Variants in WDR24 observed in about 807,000 individuals in gnomAD.
The protein encoded by WDR24 is WD repeat domain 24.
In WDR24, 32 loss-of-function variants were observed where a neutral mutation model predicts 66.7. The observed-to-expected ratio is 0.48, with a 90% CI of 0.36 to 0.64. The LOEUF (loss-of-function observed/expected upper bound fraction) is 0.64. Among genes scored for constraint, WDR24 ranks in the 30% least tolerant of loss-of-function variants. The pLI, the probability that WDR24 is intolerant of heterozygous loss-of-function variation, is 0.00. For synonymous variants in WDR24, 565 were observed against 469.1 expected (o/e 1.20, Z -2.64); for missense variants, 978 against 1,144.1 (o/e 0.85, Z 2.09).
Position 684,811 on chromosome 16 carries a change from G to A in WDR24, c.2296C>T (p.Leu766=), listed in dbSNP as rs770550178. ...WCQGCSHGGH[L]QHIMKWLEGS... is the part of the protein sequence containing the mutation. ...TCCAGCCACTTCATGATGTGCTGCA[G>A]GTGGCCGCCGTGGCTGCAGCCCTGG... The change falls in exon 9 of 9, where the codon CTG becomes TTG. Residue 766 remains leucine, a synonymous_variant. Coordinates refer to ENST00000293883, the MANE Select transcript of WDR24 (RefSeq NM_032259.4). The A allele has an allele frequency of 2.5e-6, 4 of 1,578,692 alleles. No homozygotes were observed. The highest frequency in any genetic ancestry group is 3.4e-6 in the Non-Finnish European group (4 of 1,163,910).
In WDR24 at chr16:686,202, G is replaced by A. The variant is rs758685114; in HGVS notation, c.1333-16C>T. The A allele has an allele frequency of 6.2e-7, 1 of 1,610,800 alleles. No homozygotes were observed. Among genetic ancestry groups the A allele is most frequent in the Non-Finnish European group, 8.5e-7 (1 of 1,179,232 alleles). ...TTTGCGCCACCTAGGGGCGGGCACT[G>A]GTCACTTGTGGGCGTCCTGGACACC... is the stretch of plus-strand genomic sequence containing the variant. On this transcript the variant is annotated splice_polypyrimidine_tract_variant and intron_variant, in intron 3 of 8. Coordinates refer to ENST00000293883, the MANE Select transcript of WDR24 (RefSeq NM_032259.4).
chr16:685,859 C>T lies in WDR24; in HGVS notation c.1573+10G>A, dbSNP rs2039895556. The T allele has an allele frequency of 8.1e-6, 13 of 1,613,282 alleles. No homozygotes were observed. The highest frequency in any genetic ancestry group is 1.1e-5 in the Non-Finnish European group (13 of 1,180,014). On this transcript the variant is annotated intron_variant, in intron 5 of 8. Coordinates refer to ENST00000293883, the MANE Select transcript of WDR24 (RefSeq NM_032259.4). ...CTCTCCCATCAGCACCCCTACCCAC[C>T]CCAGCCTACCCTCATTGGTGATGAG...
chr16:687,421 G>T lies in WDR24; in HGVS notation c.660-5C>A. ...CCTCCAGTGGCCAACCAGCCCCTGTGGGAAGAAGGTCCACCCAAACCCTCA... is the reference window on the plus strand; with the variant it reads ...CCTCCAGTGGCCAACCAGCCCCTGTTGGAAGAAGGTCCACCCAAACCCTCA... On this transcript the variant is annotated splice_polypyrimidine_tract_variant and splice_region_variant and intron_variant, in intron 2 of 8. Transcript: ENST00000293883. 1.3e-6 allele frequency: 2 copies of T among 1,582,194 alleles called. No individual in the cohort carries two copies. The highest frequency in any genetic ancestry group is 1.7e-6 in the Non-Finnish European group (2 of 1,164,246).
rs750415768 is a variant in WDR24, at chr16:685,427, G to A, written c.1849C>T (p.Leu617=). 16 of 1,611,462 alleles carry A rather than the reference G, an allele frequency of 9.9e-6. No individual in the cohort carries two copies. Among genetic ancestry groups the A allele is most frequent in the African/African-American group, 4.0e-5 (3 of 74,926 alleles). The change falls in exon 7 of 9, where the codon CTG becomes TTG. Residue 617 remains leucine, a synonymous_variant. Coordinates refer to ENST00000293883, the MANE Select transcript of WDR24 (RefSeq NM_032259.4). ...TCGTAGAGCGCGTGTGAGACAGACA[G>A]GAGCGAGAAGGAGGAGTCCACGGGG... ...LAPVDSSFSL[L]SVSHALYDSR... is the part of the protein sequence containing the mutation.
At position 684,799 on chromosome 16, in the gene WDR24, T is replaced by A. The variant is rs747378339; in HGVS notation, c.2308A>T (p.Met770Leu). 3 of 1,590,226 alleles carry A rather than the reference T, an allele frequency of 1.9e-6. No individual in the cohort carries two copies. The East Asian group carries it at 7.0e-5, about 37-fold the overall frequency. Residue 770 changes from methionine to leucine, a missense_variant, in exon 9 of 9, where the codon ATG becomes TTG. Physicochemically the swap from Met to Leu is conservative, Grantham distance 15 (BLOSUM62 2). This residue lies in a region of WDR24 where 676 missense variants were observed against 617.5 expected (regional missense o/e 1.09). Transcript: ENST00000293883. ...CSHGGHLQHI[M>L]KWLEGSSHCP... ...TGGGAGCTGCCTTCCAGCCACTTCA[T>A]GATGTGCTGCAGGTGGCCGCCGTGG...
At position 689,814 on chromosome 16, in the gene WDR24, C is replaced by T. The variant is rs1158156248; in HGVS notation, c.-174G>A. 7 of 1,044,942 alleles carry T rather than the reference C, an allele frequency of 6.7e-6. No homozygotes were observed. Among genetic ancestry groups the T allele is most frequent in the Non-Finnish European group, 9.9e-6 (7 of 708,174 alleles). 64.7% of individuals were successfully genotyped at this position (1,044,942 alleles called of 1,614,324 possible). On this transcript the variant is annotated 5_prime_UTR_variant, in exon 1 of 9. Coordinates refer to ENST00000293883, the MANE Select transcript of WDR24 (RefSeq NM_032259.4). ...CCAGGGCTGTCTATCAGCCAATCAG[C>T]CTGACAGGCAAGCTCAAATTCACTG...
At position 690,313 on chromosome 16, in the gene WDR24, G is replaced by T; in HGVS notation, c.-673C>A. On this transcript the variant is annotated 5_prime_UTR_variant, in exon 1 of 9. Transcript: ENST00000293883. ...CGGACGCTGCGGGACGAGAACCAGA[G>T]GGCCCGGGGCAGCCCTTCTCCCCCG... 1 of 452,124 alleles carries T rather than the reference G, an allele frequency of 2.2e-6. No individual in the cohort carries two copies. The highest frequency in any genetic ancestry group is 1.6e-5 in the South Asian group (1 of 64,308). The allele number at this position is 452,124 out of a possible 1,614,324, so 28.0% of individuals were successfully genotyped here. A position where few individuals can be genotyped will look rare whatever the true frequency, so the allele number is the denominator to read the frequency against.
chr16:686,100 C>T lies in WDR24; in HGVS notation c.1419G>A (p.Lys473=), dbSNP rs763748997. The T allele has an allele frequency of 1.1e-5, 17 of 1,612,982 alleles. No individual in the cohort carries two copies. Among genetic ancestry groups the T allele is most frequent in the South Asian group, 9.9e-5 (9 of 91,088 alleles). ...PTANLNHSVG[K]GGSCGLPLMN... ...TGAGCGGGAGGCCACAGGAGCCACC[C>T]TTGCCCACACTGTGGTTGAGGTTTG... Residue 473 remains lysine, a synonymous_variant, in exon 4 of 9, where the codon AAG becomes AAA. Coordinates refer to ENST00000293883, the MANE Select transcript of WDR24 (RefSeq NM_032259.4).
Position 687,116 on chromosome 16 carries a change from G to A in WDR24, c.960C>T (p.Asp320=), listed in dbSNP as rs1019099486. ...DPSFLLSGSK[D]SSLCQHLFRD... is the part of the protein sequence containing the mutation. ...GGAACAGGTGCTGGCACAGCGAGCT[G>A]TCCTTGGAGCCAGACAGCAGGAAGG... is the stretch of plus-strand genomic sequence containing the variant. Residue 320 remains aspartate, a synonymous_variant, in exon 3 of 9, where the codon GAC becomes GAT. Coordinates refer to ENST00000293883, the MANE Select transcript of WDR24 (RefSeq NM_032259.4). The A allele has an allele frequency of 6.2e-7, 1 of 1,611,286 alleles. No homozygotes were observed. The highest frequency in any genetic ancestry group is 1.7e-5 in the Admixed American group (1 of 59,978).
In WDR24 at chr16:686,678, G is replaced by A. The variant is rs73487498; in HGVS notation, c.1332+66C>T. ...AGCTTGAGGTGGGGTGAGCGCAGCT[G>A]ACGGAGGAACCAGCCCCTGCCCTGA... On this transcript the variant is annotated intron_variant, in intron 3 of 8. Coordinates refer to ENST00000293883, the MANE Select transcript of WDR24 (RefSeq NM_032259.4). The A allele has an allele frequency of 3.0e-3, 4,608 of 1,516,470 alleles. 107 individuals carry two copies. The African/African-American group carries it at 0.054, about 18-fold the overall frequency. 93.9% of individuals were successfully genotyped at this position (1,516,470 alleles called of 1,614,324 possible). A position where few individuals can be genotyped will look rare whatever the true frequency, so the allele number is the denominator to read the frequency against.
In WDR24 at chr16:690,239, C is replaced by T. The variant is rs2039950834; in HGVS notation, c.-599G>A. On this transcript the variant is annotated 5_prime_UTR_variant, in exon 1 of 9. Transcript: ENST00000293883. ...GGACCGGAGGCAGGAGAGAAGCCGGCGACCCCGGAGTACAGGGTTCCTGGG... is the reference window on the plus strand; with the variant it reads ...GGACCGGAGGCAGGAGAGAAGCCGGTGACCCCGGAGTACAGGGTTCCTGGG... The T allele has an allele frequency of 2.5e-6, 1 of 395,110 alleles. No homozygotes were observed. The highest frequency in any genetic ancestry group is 2.1e-5 in the African/African-American group (1 of 47,930). 24.5% of individuals were successfully genotyped at this position (395,110 alleles called of 1,614,324 possible).
Position 690,155 on chromosome 16 carries a change from G to T in WDR24, c.-515C>A, listed in dbSNP as rs553585100. 9 of 427,826 alleles carry T rather than the reference G, an allele frequency of 2.1e-5. No individual in the cohort carries two copies. The highest frequency in any genetic ancestry group is 4.2e-5 in the Non-Finnish European group (9 of 213,128). 26.5% of individuals were successfully genotyped at this position (427,826 alleles called of 1,614,324 possible). A position where few individuals can be genotyped will look rare whatever the true frequency, so the allele number is the denominator to read the frequency against. On this transcript the variant is annotated 5_prime_UTR_variant, in exon 1 of 9. Coordinates refer to ENST00000293883, the MANE Select transcript of WDR24 (RefSeq NM_032259.4). Reference sequence around the variant, plus strand: ...CCCGGGGACTCAGGCGATAGACGCGGGAAGGGCCCAGAGGGACGTCAAGGA... The same window carrying T: ...CCCGGGGACTCAGGCGATAGACGCGTGAAGGGCCCAGAGGGACGTCAAGGA...
Position 685,730 on chromosome 16 carries a change from C to G in WDR24, c.1627G>C (p.Val543Leu), listed in dbSNP as rs142582137. Residue 543 changes from valine (V) to leucine (L), a missense_variant, in exon 6 of 9, where the codon GTG becomes CTG. Transcript: ENST00000293883. ...TACAGCTCGTCCTCCTCACCTTCCA[C>G]GTCACCCAGCAGGTAGTCGGCAGGT... is the stretch of plus-strand genomic sequence containing the variant. ...DVPADYLLGD[V>L]EGEEDELYLL... 4.3e-6 allele frequency: 7 copies of G among 1,613,130 alleles called. No individual in the cohort carries two copies. Among genetic ancestry groups the G allele is most frequent in the Middle Eastern group, 1.6e-4 (1 of 6,084 alleles).
Position 685,659 on chromosome 16 carries a change from C to T in WDR24, c.1678+20G>A. ...CCTCCATCCGCCTCTGAACCCCACC[C>T]TGCCCGGACCCCCACTCACGGTGCG... On this transcript the variant is annotated intron_variant, in intron 6 of 8. Coordinates refer to ENST00000293883, the MANE Select transcript of WDR24 (RefSeq NM_032259.4). 1 of 1,612,612 alleles carries T rather than the reference C, an allele frequency of 6.2e-7. No individual in the cohort carries two copies. Among genetic ancestry groups the T allele is most frequent in the Non-Finnish European group, 8.5e-7 (1 of 1,179,984 alleles).
rs1222876791 is a variant in WDR24 at position 684,893 on chromosome 16, G to T, written c.2214C>A (p.Arg738=). Residue 738 remains arginine, a synonymous_variant, in exon 9 of 9, where the codon CGC becomes CGA. Coordinates refer to ENST00000293883, the MANE Select transcript of WDR24 (RefSeq NM_032259.4). ...SRGWVCDRCH[R]CASMCAVCHH... ...GGCAGACGGCACACATGCTGGCGCA[G>T]CGGTGGCACCTGGGGGCGGGCGGGA... The T allele has an allele frequency of 6.5e-7, 1 of 1,542,172 alleles. No homozygotes were observed. Among genetic ancestry groups the T allele is most frequent in the Non-Finnish European group, 8.7e-7 (1 of 1,144,822 alleles).
At position 689,770 on chromosome 16, in the gene WDR24, T is replaced by C; in HGVS notation, c.-130A>G. Reference sequence around the variant, plus strand: ...CCAGAACTGCTTGGTCCCGGGCTGGTCAGTCTTAGTGAGCCAATCCAGGGC... The same window carrying C: ...CCAGAACTGCTTGGTCCCGGGCTGGCCAGTCTTAGTGAGCCAATCCAGGGC... On this transcript the variant is annotated 5_prime_UTR_variant, in exon 1 of 9. Coordinates refer to ENST00000293883, the MANE Select transcript of WDR24 (RefSeq NM_032259.4). The C allele has an allele frequency of 1.4e-6, 2 of 1,417,242 alleles. No individual in the cohort carries two copies. Among genetic ancestry groups the C allele is most frequent in the South Asian group, 2.7e-5 (2 of 74,036 alleles). The allele number at this position is 1,417,242 out of a possible 1,614,324, so 87.8% of individuals were successfully genotyped here.
chr16:685,390 G>A lies in WDR24; in HGVS notation c.1886C>T (p.Pro629Leu), dbSNP rs777129600. The change falls in exon 7 of 9, where the codon CCG becomes CTG. Residue 629 changes from proline (P) to leucine (L), a missense_variant. By Grantham distance (98) the Pro-to-Leu change is moderately conservative. This residue lies in a region of WDR24 where 676 missense variants were observed against 617.5 expected (regional missense o/e 1.09). Transcript: ENST00000293883. ...VSHALYDSRL[P>L]PDFFGVLVRD... ...CACCAGCACGCCGAAGAAGTCGGGC[G>A]GCAGGCGGCTGTCGTAGAGCGCGTG... is the stretch of plus-strand genomic sequence containing the variant. 3.1e-5 allele frequency: 50 copies of A among 1,612,402 alleles called. 1 individual carries two copies. The South Asian group carries it at 4.1e-4, about 13-fold the overall frequency.
chr16:684,857 G>A lies in WDR24; in HGVS notation c.2250C>T (p.Val750=). 1 of 1,525,878 alleles carries A rather than the reference G, an allele frequency of 6.6e-7. No individual in the cohort carries two copies. Among genetic ancestry groups the A allele is most frequent in the Non-Finnish European group, 8.8e-7 (1 of 1,133,718 alleles). 94.5% of individuals were successfully genotyped at this position (1,525,878 alleles called of 1,614,324 possible). A position where few individuals can be genotyped will look rare whatever the true frequency, so the allele number is the denominator to read the frequency against. The change falls in exon 9 of 9, where the codon GTC becomes GTT. Residue 750 remains valine, a synonymous_variant. Coordinates refer to ENST00000293883, the MANE Select transcript of WDR24 (RefSeq NM_032259.4). ...ASMCAVCHHV[V]KGLFVWCQGC... ...CCTGGCACCACACGAAGAGACCCTT[G>A]ACTACGTGGTGGCAGACGGCACACA...
At position 689,066 on chromosome 16, in the gene WDR24, G is replaced by A. The variant is rs183377127; in HGVS notation, c.481+94C>T. The A allele has an allele frequency of 3.2e-4, 496 of 1,544,598 alleles. 1 individual carries two copies. The African/African-American group carries it at 6.2e-3, about 19-fold the overall frequency. ...GAAGCCCTCTGGGAGTGATCCTGAGGGCCTCTGATGCACGGAGCCCTTTTC... is the reference window on the plus strand; with the variant it reads ...GAAGCCCTCTGGGAGTGATCCTGAGAGCCTCTGATGCACGGAGCCCTTTTC... On this transcript the variant is annotated intron_variant, in intron 1 of 8. Transcript: ENST00000293883.
Sources: gnomAD v4.1 joint callset for allele counts on GRCh38, gnomAD v4.1.1 for gene constraint, gnomAD v4.1.1 regional missense constraint, MANE v1.5 for transcripts, NCBI Gene and HGNC (gene_info 2026-07-23, HGNC 2026-07-21) for gene names.